The following SGCZ variants were observed in gnomAD, a reference collection of about 807,000 sequenced individuals.
SGCZ encodes sarcoglycan zeta.
In SGCZ, 40 loss-of-function variants were observed where a neutral mutation model predicts 41.3. The ratio of observed to expected loss-of-function variants is 0.97; its 90% CI spans 0.75 to 1.26. The LOEUF (loss-of-function observed/expected upper bound fraction) is 1.26, where lower values mean the gene tolerates loss of function less well. SGCZ is among the 50% of genes most tolerant of loss of function. The probability of loss-of-function intolerance (pLI) is 0.00; values close to 1 mark genes in which losing one functional copy is unlikely to be tolerated. For missense variants in SGCZ, 552 were observed against 369.8 expected, an observed-to-expected ratio of 1.49 and a Z score of -4.04; for synonymous variants, 206 against 137.5, an observed-to-expected ratio of 1.50 and a Z score of -3.49.
chr8:14,414,908 C>T (rs1033143852), intron 2 of SGCZ, among the ~76,000 whole-genome samples: 1 of 151,886 alleles, frequency 6.6e-6, no homozygotes, highest in Non-Finnish European at 1.5e-5. Context: ...ATTATTGTTG[C>T]TAGAAATGCT....
chr8:14,421,667 T>A (rs1799640722), intron 2 of SGCZ, among the ~76,000 whole-genome samples: 2 of 152,138 alleles, frequency 1.3e-5, no homozygotes, highest in African/African-American at 4.8e-5. Context: ...TAATGACTCC[T>A]AAAAATTAAG....
intron 2 of SGCZ, among the ~76,000 whole-genome samples, chr8:14,453,047 G>A (rs750728216): frequency 3.9e-5 from 6 of 151,968 alleles, no homozygotes; most frequent in South Asian, 4.1e-4. Flanking sequence ...AGGCTGCAGG[G>A]AGCCGAGATG....
intron 1 of SGCZ, among the ~76,000 whole-genome samples, chr8:14,625,279 A>G (rs1360058886): frequency 6.6e-6 from 1 of 152,178 alleles, no homozygotes; most frequent in African/African-American, 2.4e-5. Flanking sequence ...ATAACTGATT[A>G]CTGTTTTCTT....
intron 1 of SGCZ, among the ~76,000 whole-genome samples, chr8:15,157,780 T>C (rs1563156335): frequency 6.6e-6 from 1 of 152,178 alleles, no homozygotes; most frequent in Non-Finnish European, 1.5e-5. Context: ...ACTGTATACC[T>C]CCACTAGCTG....
At chr8:14,299,449 C>A (rs1024307763) in intron 3 of SGCZ, among the ~76,000 whole-genome samples, 3 of 151,732 alleles carry the variant, frequency 2.0e-5, no homozygotes, top group Non-Finnish European at 4.4e-5. Context: ...ATAAACAATT[C>A]CTACAAATTA....
intron 1 of SGCZ, among the ~76,000 whole-genome samples, chr8:15,035,811 A>G (rs1217801813): frequency 6.6e-6 from 1 of 152,164 alleles, no homozygotes; most frequent in African/African-American, 2.4e-5. Context: ...TATGCACTTA[A>G]TATTGGAGCA....
At chr8:14,682,357 T>C (rs1311979873) in intron 1 of SGCZ, among the ~76,000 whole-genome samples, 2 of 152,154 alleles carry the variant, frequency 1.3e-5, no homozygotes, top group East Asian at 1.9e-4. Context: ...ACAATACATA[T>C]GTACAGATTA....
intron 1 of SGCZ, among the ~76,000 whole-genome samples, chr8:14,795,499 G>C (rs1431896608): frequency 6.6e-6 from 1 of 151,954 alleles, no homozygotes. Context: ...CTGGAGTACA[G>C]TGGTGAAGTC....
intron 2 of SGCZ, among the ~76,000 whole-genome samples, chr8:14,417,188 T>C (rs939920626): frequency 6.6e-6 from 1 of 151,802 alleles, no homozygotes; most frequent in African/African-American, 2.4e-5. Flanking sequence ...AATTGTAACA[T>C]GGAAGAAGTG....
At chr8:14,460,222 G>GTTTT (rs1363982371) in intron 2 of SGCZ, among the ~76,000 whole-genome samples, 8 of 152,146 alleles carry the variant, frequency 5.3e-5, no homozygotes, top group African/African-American at 1.9e-4. Context: ...AAAAATATGA[G>GTTTT]GTACTTTTTA....
chr8:14,967,565 G>T (rs1034295409), intron 1 of SGCZ, among the ~76,000 whole-genome samples: 2 of 152,146 alleles, frequency 1.3e-5, no homozygotes, highest in Non-Finnish European at 1.5e-5. Flanking sequence ...TCCTTCAAAG[G>T]CATCTCAAAC....
intron 2 of SGCZ, among the ~76,000 whole-genome samples, chr8:14,336,991 G>A (rs904325986): frequency 6.6e-6 from 1 of 152,120 alleles, no homozygotes; most frequent in African/African-American, 2.4e-5. Context: ...TGTACAGAGG[G>A]AAGTGCTGTC....
At chr8:14,448,172 C>A (rs779775384) in intron 2 of SGCZ, among the ~76,000 whole-genome samples, 1 of 152,184 alleles carries the variant, frequency 6.6e-6, no homozygotes, top group Non-Finnish European at 1.5e-5. Flanking sequence ...AGACTCTAAA[C>A]GCTCTTGCTA....
chr8:14,164,984 G>C, intron 4 of SGCZ: 1 of 315,666 alleles, frequency 3.2e-6, no homozygotes, highest in South Asian at 3.6e-5. Flanking sequence ...CACAAAAAGA[G>C]ACAATGTTTG....
chr8:14,145,199 G>T (rs1236137398), intron 5 of SGCZ, among the ~76,000 whole-genome samples: 2 of 152,132 alleles, frequency 1.3e-5, no homozygotes, highest in East Asian at 3.9e-4. Context: ...AGGGGTGCTT[G>T]TATTACTCTA....
chr8:15,226,901 G>C (rs1238986531), intron 1 of SGCZ, among the ~76,000 whole-genome samples: 2 of 152,194 alleles, frequency 1.3e-5, no homozygotes, highest in Admixed American at 6.5e-5. Context: ...CAAGGGATAA[G>C]TAGAGAACGA....
rs190507043 is a variant in SGCZ at position 14,135,400 on chromosome 8, G to A, written c.548-27165C>T. ...TAGGCATGCCTAACTTGTTTCTAAGGTGGGGGAAAATACTGGAGAGTTATG... is the reference window on the plus strand; with the variant it reads ...TAGGCATGCCTAACTTGTTTCTAAGATGGGGGAAAATACTGGAGAGTTATG... On this transcript the variant is annotated intron_variant, in intron 5 of 7. Transcript: ENST00000382080. 4.4e-3 allele frequency among the ~76,000 whole-genome samples: 676 copies of A among 152,218 alleles called. 4 individuals are homozygous for A. The highest frequency in any genetic ancestry group is 6.5e-3 in the Admixed American group (100 of 15,280).
At chr8:14,900,652 T>G (rs1282121348) in intron 1 of SGCZ, among the ~76,000 whole-genome samples, 1 of 152,158 alleles carries the variant, frequency 6.6e-6, no homozygotes, top group Non-Finnish European at 1.5e-5. Flanking sequence ...GAATACCAGG[T>G]TTAATTTCAA....
rs1198684208 is a variant in SGCZ at position 14,089,724 on chromosome 8, C to T, written c.*719G>A. 6.6e-6 allele frequency: 1 copy of T among 151,860 alleles called. No individual in the cohort carries two copies. The highest frequency in any genetic ancestry group is 1.5e-5 in the Non-Finnish European group (1 of 67,934). 9.4% of individuals were successfully genotyped at this position (151,860 alleles called of 1,614,324 possible). A position where few individuals can be genotyped will look rare whatever the true frequency, so the allele number is the denominator to read the frequency against. On this transcript the variant is annotated 3_prime_UTR_variant, in exon 8 of 8. Coordinates refer to ENST00000382080, the MANE Select transcript of SGCZ (RefSeq NM_139167.4). ...CTATATAAGGCCATCCAGATCTGAC[C>T]AATGACATTATAATGGCATTTTGTT...
Sources: allele counts gnomAD v4.1 joint callset (sites outside exome capture counted in the v4.1 genomes callset), GRCh38; gene constraint gnomAD v4.1.1; transcripts MANE v1.5; gene names NCBI Gene and HGNC (gene_info 2026-07-23, HGNC 2026-07-21).